Variants in ZNF407 observed in about 807,000 individuals in gnomAD.
ZNF407 encodes the protein zinc finger protein 407.
ZNF407 carries 17 observed loss-of-function variants against 131.2 expected under a neutral mutation model. The ratio of observed to expected loss-of-function variants is 0.13; its 90% CI spans 0.09 to 0.19. The LOEUF (loss-of-function observed/expected upper bound fraction) is 0.19, where lower values mean the gene tolerates loss of function less well. ZNF407 is among the 10% of genes least tolerant of loss of function. The probability of loss-of-function intolerance (pLI) is 1.00; values close to 1 mark genes in which losing one functional copy is unlikely to be tolerated. For synonymous variants in ZNF407, 1,156 were observed against 1,062.0 expected, an observed-to-expected ratio of 1.09 and a Z score of -1.72; for missense variants, 2,681 against 2,830.6, an observed-to-expected ratio of 0.95 and a Z score of 1.20.
At chr18:74,651,778 G>C (rs548860974) in intron 3 of ZNF407, among the ~76,000 whole-genome samples, 1 of 152,238 alleles carries the variant, frequency 6.6e-6, no homozygotes, top group South Asian at 2.1e-4. Context: ...ATGGAAATGT[G>C]CTGTCCCTCA....
chr18:74,850,248 C>G (rs192181817), intron 4 of ZNF407, among the ~76,000 whole-genome samples: 1 of 152,254 alleles, frequency 6.6e-6, no homozygotes, highest in Non-Finnish European at 1.5e-5. Context: ...AGTGAAAACT[C>G]AAGATATTTT....
chr18:74,824,222 G>A (rs1387699887), intron 4 of ZNF407, among the ~76,000 whole-genome samples: 2 of 152,146 alleles, frequency 1.3e-5, no homozygotes, highest in African/African-American at 2.4e-5. Flanking sequence ...AGTGTGTAGA[G>A]GGAAATTTAT....
At chr18:74,892,034 T>G (rs1971392157) in intron 7 of ZNF407, among the ~76,000 whole-genome samples, 1 of 152,294 alleles carries the variant, frequency 6.6e-6, no homozygotes, top group East Asian at 1.9e-4. Context: ...CAAACAAGAT[T>G]ATGTATAAAA....
rs1472489472 is a variant in ZNF407, at chr18:75,048,537, C to G, written c.5429-14613C>G. 6.6e-6 allele frequency among the ~76,000 whole-genome samples: 1 copy of G among 152,120 alleles called. No individual in the cohort carries two copies. The highest frequency in any genetic ancestry group is 2.1e-4 in the South Asian group (1 of 4,828). ...CTCATCATAGCCAGAAATTTCCAAC[C>G]CAGCCTAGCCTTCCCCTGGCCTGAA... On this transcript the variant is annotated intron_variant, in intron 8 of 8. Coordinates refer to ENST00000299687, the MANE Select transcript of ZNF407 (RefSeq NM_017757.3). The surrounding 1 kb of genome is among the most constrained non-coding windows in gnomAD (Gnocchi z 4.1).
At position 75,060,562 on chromosome 18, in the gene ZNF407, A is replaced by G. The variant is rs144743538; in HGVS notation, c.5429-2588A>G. On this transcript the variant is annotated intron_variant, in intron 8 of 8. Transcript: ENST00000299687. ...GCTCTGTCGCCCAGGCTGGAGTGCGATGGCGCGGTCTCGGCTCACTGCGAG... is the reference window on the plus strand; with the variant it reads ...GCTCTGTCGCCCAGGCTGGAGTGCGGTGGCGCGGTCTCGGCTCACTGCGAG... 6.0e-3 allele frequency among the ~76,000 whole-genome samples: 805 copies of G among 133,922 alleles called. 7 individuals carry two copies. The highest frequency in any genetic ancestry group is 0.021 in the African/African-American group (740 of 34,922). The allele number at this position is 133,922 out of a possible 152,430, so 87.9% of individuals were successfully genotyped here. A position where few individuals can be genotyped will look rare whatever the true frequency, so the allele number is the denominator to read the frequency against.
chr18:74,940,545 T>C (rs1972085318), intron 8 of ZNF407, among the ~76,000 whole-genome samples: 1 of 152,084 alleles, frequency 6.6e-6, no homozygotes, highest in Admixed American at 6.5e-5. Flanking sequence ...GAAAGGTATG[T>C]TGAGGATTTT....
Position 74,631,208 on chromosome 18 carries a change from T to G in ZNF407, c.189T>G (p.Val63=). The change falls in exon 2 of 9, where the codon GTT becomes GTG. Residue 63 remains valine (V), a synonymous_variant. Coordinates refer to ENST00000299687, the MANE Select transcript of ZNF407 (RefSeq NM_017757.3). ...FSESSNSDSV[V]IGEDRNKHAS... Reference sequence around the variant, plus strand: ...AATCATCGAACTCTGATAGTGTTGTTATAGGAGAAGACAGAAATAAACATG... The same window carrying G: ...AATCATCGAACTCTGATAGTGTTGTGATAGGAGAAGACAGAAATAAACATG... The G allele has an allele frequency of 1.2e-6, 2 of 1,613,992 alleles. No homozygotes were observed. The highest frequency in any genetic ancestry group is 1.7e-6 in the Non-Finnish European group (2 of 1,179,898).
chr18:74,815,110 AT>A (rs1471596434), intron 4 of ZNF407, among the ~76,000 whole-genome samples: 5 of 152,074 alleles, frequency 3.3e-5, no homozygotes, highest in African/African-American at 1.2e-4. Flanking sequence ...TATCAGTAGA[AT>A]TTTTGGTAGG....
chr18:74,984,992 G>A (rs1023983031), intron 8 of ZNF407, among the ~76,000 whole-genome samples: 1 of 152,188 alleles, frequency 6.6e-6, no homozygotes, highest in African/African-American at 2.4e-5. Flanking sequence ...GAATTTTGTA[G>A]TGTGCTAGCT....
chr18:74,975,293 C>T (rs1599273175), intron 8 of ZNF407, among the ~76,000 whole-genome samples: 1 of 152,250 alleles, frequency 6.6e-6, no homozygotes, highest in Non-Finnish European at 1.5e-5. Context: ...TGTAGTAGCC[C>T]ATATGTTGTG....
chr18:75,004,496 C>T (rs530822113), intron 8 of ZNF407, among the ~76,000 whole-genome samples: 3 of 152,190 alleles, frequency 2.0e-5, no homozygotes, highest in Non-Finnish European at 4.4e-5. Context: ...CCTGCTGGTG[C>T]TTCCTCGGGA....
At chr18:74,676,531 G>T (rs975152790) in intron 3 of ZNF407, among the ~76,000 whole-genome samples, 8 of 151,624 alleles carry the variant, frequency 5.3e-5, no homozygotes, top group African/African-American at 9.7e-5. Flanking sequence ...CCGCCTCCCG[G>T]GTTCACGCCA....
chr18:74,681,830 T>C (rs1319501041), intron 3 of ZNF407, among the ~76,000 whole-genome samples: 1 of 152,188 alleles, frequency 6.6e-6, no homozygotes, highest in Non-Finnish European at 1.5e-5. Flanking sequence ...TTTTTTCCTT[T>C]TAGATAAGAA....
chr18:74,675,942 A>C (rs1986338505), intron 3 of ZNF407, among the ~76,000 whole-genome samples: 1 of 152,140 alleles, frequency 6.6e-6, no homozygotes, highest in African/African-American at 2.4e-5. Flanking sequence ...TTTATATATA[A>C]AAAAAGTTGT....
intron 3 of ZNF407, among the ~76,000 whole-genome samples, chr18:74,696,456 T>C (rs1967357777): frequency 6.6e-6 from 1 of 152,202 alleles, no homozygotes; most frequent in Admixed American, 6.5e-5. Flanking sequence ...GTTGAAAATA[T>C]TACTTAGCAA....
chr18:74,625,623 T>C (rs945175342), intron 1 of ZNF407, among the ~76,000 whole-genome samples: 2 of 152,214 alleles, frequency 1.3e-5, no homozygotes, highest in African/African-American at 4.8e-5. Flanking sequence ...TATAGACATA[T>C]ACAAAAGTTG....
At chr18:74,990,390 G>A (rs1340833279) in intron 8 of ZNF407, among the ~76,000 whole-genome samples, 1 of 152,134 alleles carries the variant, frequency 6.6e-6, no homozygotes, top group Admixed American at 6.5e-5. Context: ...AGTAAATTTT[G>A]TCTGAATTTT....
At chr18:74,699,692 A>T (rs1384325997) in intron 3 of ZNF407, among the ~76,000 whole-genome samples, 1 of 152,172 alleles carries the variant, frequency 6.6e-6, no homozygotes, top group African/African-American at 2.4e-5. Flanking sequence ...AAATCTAAGC[A>T]GACATTTTCC....
intron 8 of ZNF407, among the ~76,000 whole-genome samples, chr18:74,964,531 A>G (rs919488561): frequency 1.3e-5 from 2 of 150,066 alleles, no homozygotes; most frequent in Non-Finnish European, 3.0e-5. Flanking sequence ...GTAAGAAAGT[A>G]CTACAAATGA....
Sources: gnomAD v4.1 joint callset for allele counts (sites outside exome capture counted in the v4.1 genomes callset) on GRCh38, gnomAD v4.1.1 for gene constraint, Gnocchi (gnomAD v3.1) non-coding constraint, MANE v1.5 for transcripts, NCBI Gene and HGNC (gene_info 2026-07-23, HGNC 2026-07-21) for gene names.